The following SRL variants were observed in gnomAD, a reference collection of about 807,000 sequenced individuals.
SRL encodes the protein sarcalumenin.
Under a neutral mutation model 39.5 loss-of-function variants are expected in SRL, and 23 were observed. The observed-to-expected ratio is 0.58, with a 90% CI of 0.42 to 0.82. The LOEUF is 0.82. Among genes scored for constraint, SRL ranks in the 40% least tolerant of loss-of-function variants. The probability of loss-of-function intolerance (pLI) is 0.00; values close to 1 mark genes in which losing one functional copy is unlikely to be tolerated. For synonymous variants in SRL, 272 were observed against 237.4 expected (o/e 1.15, Z -1.34); for missense variants, 592 against 607.8 (o/e 0.97, Z 0.27).
At chr16:4,238,058 A>G (rs887688188) in intron 1 of SRL, among the ~76,000 whole-genome samples, 2 of 152,234 alleles carry the variant, frequency 1.3e-5, no homozygotes, top group African/African-American at 4.8e-5. Flanking sequence ...AACAGCAGGG[A>G]TGCAGCAAAC....
chr16:4,221,058 T>TG (rs2052524898), intron 1 of SRL, among the ~76,000 whole-genome samples: 1 of 151,616 alleles, frequency 6.6e-6, no homozygotes, highest in South Asian at 2.1e-4. Context: ...CCATTATTTT[T>TG]TTTTTTTCGA....
At position 4,241,949 on chromosome 16, in the gene SRL, A is replaced by G. The variant is rs933710473; in HGVS notation, c.61+58T>C. On this transcript the variant is annotated intron_variant, in intron 1 of 5. Coordinates refer to ENST00000399609, the MANE Select transcript of SRL (RefSeq NM_001098814.2). The stretch of plus-strand genomic sequence containing the variant: ...CTACCCAACCCATGGTAGACAGAAA[A>G]CCTTGGAGGAAGCGTGGGGGACCAG... 9.4e-6 allele frequency: 15 copies of G among 1,599,966 alleles called. No individual in the cohort carries two copies. The African/African-American group carries it at 1.9e-4, about 20-fold the overall frequency.
At chr16:4,212,304 G>A (rs554640784) in intron 1 of SRL, among the ~76,000 whole-genome samples, 29 of 152,254 alleles carry the variant, frequency 1.9e-4, no homozygotes, top group Admixed American at 7.2e-4. Flanking sequence ...GTCTCTCAAT[G>A]AAACAAGCTG....
chr16:4,195,686 G>A lies in SRL; in HGVS notation c.477C>T (p.Phe159=). ...TCTGGCCAAACTTCTCAAGGGGTGA[G>A]AAGGAACGGGCGCTGTCAGCAGCCA... The part of the protein sequence containing the change: ...IVMAADSARS[F]SPLEKFGQNF... The change falls in exon 5 of 6, where the codon TTC becomes TTT. Residue 159 remains phenylalanine (F), a synonymous_variant. Transcript: ENST00000399609. 6.2e-7 allele frequency: 1 copy of A among 1,614,134 alleles called. No individual in the cohort carries two copies.
intron 3 of SRL, among the ~76,000 whole-genome samples, chr16:4,199,067 G>A (rs1215671037): frequency 6.6e-6 from 1 of 152,148 alleles, no homozygotes. Flanking sequence ...GGCCAGTCCT[G>A]CATAACTCAG....
At chr16:4,227,066 G>A (rs1187765171) in intron 1 of SRL, among the ~76,000 whole-genome samples, 3 of 151,860 alleles carry the variant, frequency 2.0e-5, no homozygotes, top group South Asian at 4.2e-4. Flanking sequence ...ATGGATGGAT[G>A]GATGGATGAT....
At chr16:4,238,664 A>G (rs1437140104) in intron 1 of SRL, among the ~76,000 whole-genome samples, 3 of 147,672 alleles carry the variant, frequency 2.0e-5, no homozygotes, top group African/African-American at 7.6e-5. Context: ...TCGCTCTGTC[A>G]CCCAGGCTGG....
chr16:4,238,623 C>CG (rs1290873810), intron 1 of SRL, among the ~76,000 whole-genome samples: 6 of 143,790 alleles, frequency 4.2e-5, no homozygotes, highest in Admixed American at 2.1e-4. Flanking sequence ...CCCGGTGCCA[C>CG]TTTTTTTTTT....
chr16:4,230,823 G>C (rs1472609262), intron 1 of SRL, among the ~76,000 whole-genome samples: 1 of 152,162 alleles, frequency 6.6e-6, no homozygotes, highest in Non-Finnish European at 1.5e-5. Context: ...GGGACACACA[G>C]ACAAGGGAGA....
chr16:4,211,681 C>T (rs1293814786), intron 1 of SRL, among the ~76,000 whole-genome samples: 1 of 140,200 alleles, frequency 7.1e-6, no homozygotes, highest in Non-Finnish European at 1.5e-5. Context: ...TGATGAGGAT[C>T]GTGATGATGA....
intron 1 of SRL, among the ~76,000 whole-genome samples, chr16:4,220,134 A>T (rs1238472924): frequency 6.6e-6 from 1 of 152,036 alleles, no homozygotes; most frequent in Admixed American, 6.6e-5. Flanking sequence ...CAGCCACCCT[A>T]AGGGGAACCA....
intron 1 of SRL, among the ~76,000 whole-genome samples, chr16:4,239,059 A>G (rs1453479161): frequency 1.3e-5 from 2 of 152,134 alleles, no homozygotes; most frequent in African/African-American, 4.8e-5. Context: ...CTGTGGGGAA[A>G]AGGCTTCTGG....
At chr16:4,208,040 AG>A (rs1317736113) in intron 1 of SRL, 1 of 456,258 alleles carries the variant, frequency 2.2e-6, no homozygotes, top group Non-Finnish European at 4.4e-6. Context: ...CGTCTCCAGC[AG>A]AGAAATGATT....
At chr16:4,233,503 C>T (rs2052680461) in intron 1 of SRL, among the ~76,000 whole-genome samples, 1 of 152,344 alleles carries the variant, frequency 6.6e-6, no homozygotes, top group Middle Eastern at 3.4e-3. Context: ...TCCCTCTGCA[C>T]AGCCAACCTT....
intron 1 of SRL, among the ~76,000 whole-genome samples, chr16:4,218,326 G>T (rs958514867): frequency 4.3e-4 from 66 of 152,306 alleles, no homozygotes; most frequent in African/African-American, 1.5e-3. Flanking sequence ...CTTTCCGAAG[G>T]CAGAGGACCG....
At chr16:4,233,552 A>C (rs1223311926) in intron 1 of SRL, among the ~76,000 whole-genome samples, 1 of 151,762 alleles carries the variant, frequency 6.6e-6, no homozygotes, top group East Asian at 1.9e-4. Context: ...GTGAGCATAG[A>C]CTGCTGGTGG....
chr16:4,201,274 C>T (rs1425999058), intron 3 of SRL, among the ~76,000 whole-genome samples: 1 of 151,918 alleles, frequency 6.6e-6, no homozygotes, highest in Non-Finnish European at 1.5e-5. Flanking sequence ...CCACCATGTC[C>T]AGCTATTTTT....
At chr16:4,227,073 T>TGGATGGATG (rs1463266299) in intron 1 of SRL, among the ~76,000 whole-genome samples, 2 of 102,526 alleles carry the variant, frequency 2.0e-5, no homozygotes, top group African/African-American at 7.9e-5. Context: ...GATGGATGGA[T>TGGATGGATG]GATGGATGGA....
intron 3 of SRL, among the ~76,000 whole-genome samples, chr16:4,199,607 G>C (rs2052195090): frequency 6.6e-6 from 1 of 150,996 alleles, no homozygotes; most frequent in Non-Finnish European, 1.5e-5. Context: ...CTGGGCTCAA[G>C]AGATCCACCC....
Sources: allele counts gnomAD v4.1 joint callset (sites outside exome capture counted in the v4.1 genomes callset), GRCh38; gene constraint gnomAD v4.1.1; transcripts MANE v1.5; gene names NCBI Gene and HGNC (gene_info 2026-07-23, HGNC 2026-07-21).